Variants in RNF150 observed in about 807,000 individuals in gnomAD.
RNF150 encodes ring finger protein 150.
In RNF150, 24 loss-of-function variants were observed where a neutral mutation model predicts 39.3. The ratio of observed to expected loss-of-function variants is 0.61; its 90% CI spans 0.44 to 0.86. RNF150 has a LOEUF of 0.86. Among genes scored for constraint, RNF150 ranks in the 40% least tolerant of loss-of-function variants. RNF150 has a pLI of 0.00. For missense variants in RNF150, 502 were observed against 587.8 expected (o/e 0.85, Z 1.51); for synonymous variants, 255 against 227.3 (o/e 1.12, Z -1.10).
chr4:140,939,151 T>A (rs1396582184), intron 4 of RNF150, among the ~76,000 whole-genome samples: 1 of 152,330 alleles, frequency 6.6e-6, no homozygotes, highest in Admixed American at 6.5e-5. Context: ...AGTTAGGGTA[T>A]CTATTGCCAC....
At chr4:140,988,436 T>G (rs1252175386) in intron 1 of RNF150, among the ~76,000 whole-genome samples, 1 of 152,134 alleles carries the variant, frequency 6.6e-6, no homozygotes, top group Non-Finnish European at 1.5e-5. Flanking sequence ...AACGAAATCA[T>G]GTCCTTTGCA....
At chr4:140,876,324 A>G (rs566510704) in intron 6 of RNF150, among the ~76,000 whole-genome samples, 1 of 152,350 alleles carries the variant, frequency 6.6e-6, no homozygotes, top group East Asian at 1.9e-4. Context: ...AGGCTGGGGC[A>G]GTGTCTATAT....
intron 6 of RNF150, among the ~76,000 whole-genome samples, chr4:140,899,711 T>G (rs1314408745): frequency 6.6e-6 from 1 of 152,134 alleles, no homozygotes; most frequent in African/African-American, 2.4e-5. Context: ...CCAAACAAAG[T>G]GAAGAGTGTC....
chr4:141,177,956 G>A (rs1727841074), intron 1 of RNF150, among the ~76,000 whole-genome samples: 1 of 152,082 alleles, frequency 6.6e-6, no homozygotes, highest in Non-Finnish European at 1.5e-5. Flanking sequence ...AGGTTTTGGG[G>A]GAAATGATAG....
chr4:141,027,912 G>GTTTTTTGTTTTTTTTTTT lies in RNF150; in HGVS notation c.485-60040_485-60039insAAAAAAAAAAACAAAAAA, dbSNP rs1560696593. Among the ~76,000 whole-genome samples the GTTTTTTGTTTTTTTTTTT allele has an allele frequency of 1.8e-4, 5 of 27,102 alleles. 1 individual carries two copies. The highest frequency in any genetic ancestry group is 1.7e-4 in the Non-Finnish European group (2 of 11,596). The allele number at this position is 27,102 out of a possible 152,430, so 17.8% of individuals were successfully genotyped here. On this transcript the variant is annotated intron_variant, in intron 1 of 6. Coordinates refer to ENST00000515673, the MANE Select transcript of RNF150 (RefSeq NM_020724.2). ...TAGATAGTTAATGAGCTTGGAATTT[G>GTTTTTTGTTTTTTTTTTT]TTTTTTTTTTTTTGTTTTTTTTTTT...
intron 1 of RNF150, among the ~76,000 whole-genome samples, chr4:141,072,669 G>A (rs1737750533): frequency 1.3e-5 from 2 of 152,088 alleles, no homozygotes; most frequent in South Asian, 4.1e-4. Context: ...TTTGAAAATT[G>A]TGAATTATAA....
intron 1 of RNF150, among the ~76,000 whole-genome samples, chr4:141,194,556 A>C (rs545703651): frequency 6.6e-6 from 1 of 152,276 alleles, no homozygotes; most frequent in African/African-American, 2.4e-5. Flanking sequence ...TGAAAAAAAT[A>C]CATGCTAGCA....
At chr4:140,999,946 A>AGAG (rs1491491776) in intron 1 of RNF150, among the ~76,000 whole-genome samples, 1 of 25,600 alleles carries the variant, frequency 3.9e-5, no homozygotes, top group African/African-American at 8.2e-5. Context: ...TCAAAAAAAG[A>AGAG]AGAAGAAGAA....
chr4:141,061,863 G>A (rs1737241914), intron 1 of RNF150, among the ~76,000 whole-genome samples: 1 of 151,984 alleles, frequency 6.6e-6, no homozygotes, highest in Non-Finnish European at 1.5e-5. Context: ...AATTAAGTAG[G>A]TCCTACCTCA....
At chr4:140,886,733 C>T (rs1317378784) in intron 6 of RNF150, among the ~76,000 whole-genome samples, 7 of 152,168 alleles carry the variant, frequency 4.6e-5, no homozygotes, top group Admixed American at 4.6e-4. Flanking sequence ...TCCCCCTCTA[C>T]CTCAGCCTCC....
intron 1 of RNF150, among the ~76,000 whole-genome samples, chr4:141,001,811 T>C (rs1734676615): frequency 6.6e-6 from 1 of 152,126 alleles, no homozygotes; most frequent in African/African-American, 2.4e-5. Context: ...ATCAGGATGT[T>C]TTAAAACCAT....
At chr4:140,996,285 A>G (rs1734374253) in intron 1 of RNF150, among the ~76,000 whole-genome samples, 1 of 152,176 alleles carries the variant, frequency 6.6e-6, no homozygotes, top group Non-Finnish European at 1.5e-5. Flanking sequence ...CTTTTAAGAA[A>G]TGTCTACTCA....
chr4:140,975,722 C>T (rs1733637964), intron 1 of RNF150, among the ~76,000 whole-genome samples: 1 of 152,126 alleles, frequency 6.6e-6, no homozygotes, highest in Non-Finnish European at 1.5e-5. Flanking sequence ...TAGTCTTGTT[C>T]CTCCAGAAGA....
At chr4:140,991,750 C>A (rs749483336) in intron 1 of RNF150, among the ~76,000 whole-genome samples, 1 of 152,038 alleles carries the variant, frequency 6.6e-6, no homozygotes, top group Non-Finnish European at 1.5e-5. Flanking sequence ...TGAAATTTTA[C>A]AACAATAATT....
At chr4:140,998,675 G>C (rs56655513) in intron 1 of RNF150, among the ~76,000 whole-genome samples, 11,530 of 152,198 alleles carry the variant, frequency 0.076, 489 homozygotes, top group Middle Eastern at 0.16. Context: ...TGTAACACAA[G>C]AACATGCCAC....
At chr4:141,139,663 A>AGG (rs1192300673) in intron 1 of RNF150, among the ~76,000 whole-genome samples, 1 of 152,232 alleles carries the variant, frequency 6.6e-6, no homozygotes, top group African/African-American at 2.4e-5. Context: ...ATGTACATGC[A>AGG]GGCACTATTT....
chr4:141,179,696 T>G (rs371711380), intron 1 of RNF150, among the ~76,000 whole-genome samples: 1 of 152,320 alleles, frequency 6.6e-6, no homozygotes, highest in Non-Finnish European at 1.5e-5. Flanking sequence ...GCAATAGATA[T>G]CAGCCCAGAG....
chr4:140,921,345 C>G (rs528674816), intron 5 of RNF150, among the ~76,000 whole-genome samples: 3 of 151,670 alleles, frequency 2.0e-5, no homozygotes, highest in Non-Finnish European at 4.4e-5. Context: ...AACACCTCTA[C>G]ACGAATAAAC....
At chr4:140,878,549 ACTT>A (rs1316742796) in intron 6 of RNF150, among the ~76,000 whole-genome samples, 37 of 152,004 alleles carry the variant, frequency 2.4e-4, no homozygotes, top group African/African-American at 7.5e-4. Context: ...GGCCATTTGT[ACTT>A]CTTCTTAGGA....
Sources: allele counts gnomAD v4.1 joint callset (sites outside exome capture counted in the v4.1 genomes callset), GRCh38; gene constraint gnomAD v4.1.1; transcripts MANE v1.5; gene names NCBI Gene and HGNC (gene_info 2026-07-23, HGNC 2026-07-21).